ZNF823: variants seen among roughly 807,000 people sequenced by gnomAD.
The protein encoded by ZNF823 is ZFP 36 for a zinc finger protein.
In ZNF823, 5 loss-of-function variants were observed where a neutral mutation model predicts 11.4. The ratio of observed to expected loss-of-function variants is 0.44; its 90% CI spans 0.23 to 0.92. The LOEUF is 0.92. Among genes scored for constraint, ZNF823 ranks in the 40% least tolerant of loss-of-function variants. The pLI, the probability that ZNF823 is intolerant of heterozygous loss-of-function variation, is 0.24. For missense variants in ZNF823, 582 were observed against 738.5 expected (o/e 0.79, Z 2.46); for synonymous variants, 234 against 250.5 (o/e 0.93, Z 0.62).
At position 11,738,882 on chromosome 19, in the gene ZNF823, A is replaced by C; in HGVS notation, c.-63T>G. The C allele has an allele frequency of 6.3e-7, 1 of 1,579,502 alleles. No homozygotes were observed. The highest frequency in any genetic ancestry group is 8.6e-7 in the Non-Finnish European group (1 of 1,163,038). On this transcript the variant is annotated 5_prime_UTR_variant, in exon 1 of 4. Transcript: ENST00000341191. ...GCCAGTGTGGGTCCCAGCGCGACAG[A>C]CGCTGATACAGACCTTCCAGGGCGT... is the stretch of plus-strand genomic sequence containing the variant.
At position 11,738,841 on chromosome 19, in the gene ZNF823, G is replaced by C; in HGVS notation, c.-22C>G. 1 of 1,608,272 alleles carries C rather than the reference G, an allele frequency of 6.2e-7. No homozygotes were observed. Among genetic ancestry groups the C allele is most frequent in the Non-Finnish European group, 8.5e-7 (1 of 1,177,460 alleles). ...CCATTTCCCAGCTTCCAGGTGTCCG[G>C]GTGTCCTCCTTAAAAGCCAGTGTGG... On this transcript the variant is annotated 5_prime_UTR_variant, in exon 1 of 4. Transcript: ENST00000341191.
Position 11,722,053 on chromosome 19 carries a change from G to A in ZNF823, c.1481C>T (p.Thr494Ile), listed in dbSNP as rs766019825. Residue 494 changes from threonine to isoleucine, a missense_variant, in exon 4 of 4, where the codon ACA becomes ATA. Physicochemically the swap from Thr to Ile is moderately conservative, Grantham distance 89. Coordinates refer to ENST00000341191, the MANE Select transcript of ZNF823 (RefSeq NM_001080493.4). This position sits in a 1 kb window ranked among gnomAD's most constrained non-coding sequence, Gnocchi z 5.2. ...TTTACACTCATAAGGTTTTTCTACT[G>A]TGTGGGTCCTTTTATGTTGAGAAAG... ...KYLSQHKRTH[T>I]VEKPYECKTC... 15 of 1,612,568 alleles carry A rather than the reference G, an allele frequency of 9.3e-6. No individual in the cohort carries two copies. The highest frequency in any genetic ancestry group is 3.3e-4 in the Middle Eastern group (2 of 6,066).
chr19:11,732,240 C>T (rs1974911688), intron 1 of ZNF823, among the ~76,000 whole-genome samples: 1 of 146,258 alleles, frequency 6.8e-6, no homozygotes, highest in Non-Finnish European at 1.5e-5. Flanking sequence ...TCTCGGCTCA[C>T]TGCAAGCTCC....
intron 3 of ZNF823, among the ~76,000 whole-genome samples, chr19:11,723,827 G>A (rs1434732748): frequency 1.3e-5 from 2 of 152,204 alleles, no homozygotes; most frequent in Non-Finnish European, 2.9e-5. Flanking sequence ...TTACAGGCGT[G>A]AGCCACCGCT....
At chr19:11,725,760 T>C (rs1974778104) in intron 1 of ZNF823, among the ~76,000 whole-genome samples, 1 of 152,126 alleles carries the variant, frequency 6.6e-6, no homozygotes, top group African/African-American at 2.4e-5. Flanking sequence ...ATCCCACTAA[T>C]GTAACTAATA....
Position 11,721,569 on chromosome 19 carries a change from T to C in ZNF823, c.*132A>G. 1 of 868,936 alleles carries C rather than the reference T, an allele frequency of 1.2e-6. No individual in the cohort carries two copies. The highest frequency in any genetic ancestry group is 1.7e-6 in the Non-Finnish European group (1 of 576,820). 53.8% of individuals were successfully genotyped at this position (868,936 alleles called of 1,614,324 possible). A position where few individuals can be genotyped will look rare whatever the true frequency, so the allele number is the denominator to read the frequency against. On this transcript the variant is annotated 3_prime_UTR_variant, in exon 4 of 4. Coordinates refer to ENST00000341191, the MANE Select transcript of ZNF823 (RefSeq NM_001080493.4). ...CAATCCCCTGCAATATATTGGGGGATAACTGTATTTAAAAAAATTGAAACT... is the reference window on the plus strand; with the variant it reads ...CAATCCCCTGCAATATATTGGGGGACAACTGTATTTAAAAAAATTGAAACT...
chr19:11,734,316 A>G (rs10410639), intron 1 of ZNF823, among the ~76,000 whole-genome samples: 12,674 of 152,006 alleles, frequency 0.083, 1,152 homozygotes, highest in African/African-American at 0.23. Flanking sequence ...TTCTGAACAA[A>G]CAGCTGAATG....
At chr19:11,733,694 G>A (rs1974945235) in intron 1 of ZNF823, among the ~76,000 whole-genome samples, 1 of 152,124 alleles carries the variant, frequency 6.6e-6, no homozygotes, top group African/African-American at 2.4e-5. Flanking sequence ...ACAAGACTCT[G>A]TTTCAAAAAT....
chr19:11,725,085 T>C, intron 2 of ZNF823, 116 bp downstream of exon 2: 6 of 1,362,592 alleles, frequency 4.4e-6, no homozygotes, highest in Admixed American at 4.6e-5. Flanking sequence ...CTCTAAACCC[T>C]GTGTTGTTCA....
At chr19:11,724,715 C>T (rs1043293515) in intron 2 of ZNF823, among the ~76,000 whole-genome samples, 8 of 151,738 alleles carry the variant, frequency 5.3e-5, no homozygotes, top group South Asian at 2.1e-4. Flanking sequence ...TCCGCCATCA[C>T]GCCCGGCTAA....
chr19:11,725,023 G>A (rs79520721), intron 2 of ZNF823, among the ~76,000 whole-genome samples, 178 bp downstream of exon 2: 2,094 of 152,154 alleles, frequency 0.014, 61 homozygotes, highest in African/African-American at 0.048. Context: ...GTTAAGTTGC[G>A]GGGGACAAAA....
At chr19:11,724,762 A>G (rs570796535) in intron 2 of ZNF823, among the ~76,000 whole-genome samples, 106 of 151,600 alleles carry the variant, frequency 7.0e-4, no homozygotes, top group African/African-American at 2.5e-3. Context: ...GGGTTTCACC[A>G]TGTTAGCCAG....
In ZNF823 at chr19:11,738,669, G is replaced by A. The variant is rs1359311460; in HGVS notation, c.3+148C>T. ...GCCCCAGCCCCATCTTGCGGCCCAGGGGACCAAGGGCAGAGCTGCGCCAGG... is the reference window on the plus strand; with the variant it reads ...GCCCCAGCCCCATCTTGCGGCCCAGAGGACCAAGGGCAGAGCTGCGCCAGG... On this transcript the variant is annotated intron_variant, in intron 1 of 3. Coordinates refer to ENST00000341191, the MANE Select transcript of ZNF823 (RefSeq NM_001080493.4). 1.2e-5 allele frequency: 13 copies of A among 1,105,350 alleles called. No individual in the cohort carries two copies. In the East Asian group the frequency reaches 4.0e-4, roughly 34 times the overall value. 68.5% of individuals were successfully genotyped at this position (1,105,350 alleles called of 1,614,324 possible).
intron 1 of ZNF823, among the ~76,000 whole-genome samples, chr19:11,736,793 C>T (rs2145053381): frequency 6.6e-6 from 1 of 152,314 alleles, no homozygotes; most frequent in South Asian, 2.1e-4. Flanking sequence ...GGACATCTCC[C>T]ACCCCAGTGC....
intron 1 of ZNF823, among the ~76,000 whole-genome samples, chr19:11,730,035 T>A (rs1974864763): frequency 6.6e-6 from 1 of 152,028 alleles, no homozygotes; most frequent in South Asian, 2.1e-4. Flanking sequence ...TTCAAGTGAT[T>A]CTTCTGCCTT....
At chr19:11,733,377 A>AG (rs1555767521) in intron 1 of ZNF823, among the ~76,000 whole-genome samples, 22 of 151,198 alleles carry the variant, frequency 1.5e-4, no homozygotes, top group South Asian at 4.2e-4. Context: ...AAAAAAAAAA[A>AG]AAAAAGAAAA....
intron 1 of ZNF823, among the ~76,000 whole-genome samples, chr19:11,733,745 C>T (rs1974945854): frequency 6.6e-6 from 1 of 152,064 alleles, no homozygotes; most frequent in Non-Finnish European, 1.5e-5. Context: ...ATCACAGACC[C>T]AAATAAACTC....
chr19:11,731,307 C>T (rs1216775780), intron 1 of ZNF823, among the ~76,000 whole-genome samples: 1 of 151,972 alleles, frequency 6.6e-6, no homozygotes, highest in Non-Finnish European at 1.5e-5. Context: ...AAGAGCAAAA[C>T]TCCATCTCAA....
rs753645431 is a variant in ZNF823, at chr19:11,721,739, G to A, written c.1795C>T (p.His599Tyr). The change falls in exon 4 of 4, where the codon CAT becomes TAT. Residue 599 changes from histidine to tyrosine, a missense_variant. Around this residue, in one of 3 missense-constraint regions of ZNF823, gnomAD observed 144 missense variants for 154.3 expected, o/e 0.93. Coordinates refer to ENST00000341191, the MANE Select transcript of ZNF823 (RefSeq NM_001080493.4). ...TTCCAGTGAGTCCTTTTATGTCTAT[G>A]CAAGGAACGGAGAGAACTCAATGCT... is the stretch of plus-strand genomic sequence containing the variant. Reference protein sequence around the residue: ...GKALSSLRSLHRHKRTHWKDT... With the variant: ...GKALSSLRSLYRHKRTHWKDT... 2 of 1,613,622 alleles carry A rather than the reference G, an allele frequency of 1.2e-6. No homozygotes were observed. The highest frequency in any genetic ancestry group is 2.2e-5 in the South Asian group (2 of 91,020).
Sources: allele counts gnomAD v4.1 joint callset (sites outside exome capture counted in the v4.1 genomes callset), GRCh38; gene constraint gnomAD v4.1.1; regional missense constraint gnomAD v4.1.1; non-coding constraint Gnocchi (gnomAD v3.1); transcripts MANE v1.5; gene names NCBI Gene and HGNC (gene_info 2026-07-23, HGNC 2026-07-21).